The following SSH2 variants were observed in gnomAD, a reference collection of about 807,000 sequenced individuals.
The protein encoded by SSH2 is protein phosphatase Slingshot homolog 2.
Under a neutral mutation model 135.2 loss-of-function variants are expected in SSH2, and 37 were observed. That is an observed-to-expected ratio of 0.27 (90% confidence interval 0.21 to 0.36). The LOEUF is 0.36. SSH2 is among the 10% of genes least tolerant of loss of function. SSH2 has a pLI of 1.00. For synonymous variants in SSH2, 628 were observed against 646.2 expected, an observed-to-expected ratio of 0.97 and a Z score of 0.43; for missense variants, 1,408 against 1,765.3, an observed-to-expected ratio of 0.80 and a Z score of 3.63.
At chr17:29,659,501 A>G (rs981620278) in intron 11 of SSH2, among the ~76,000 whole-genome samples, 45 of 152,150 alleles carry the variant, frequency 3.0e-4, no homozygotes, top group African/African-American at 8.2e-4. Flanking sequence ...CTATCTGTTC[A>G]TATCTTCTGA....
chr17:29,898,232 A>G (rs1164847776), intron 1 of SSH2, among the ~76,000 whole-genome samples: 2 of 152,200 alleles, frequency 1.3e-5, no homozygotes, highest in Non-Finnish European at 2.9e-5. Context: ...GAGAAGCAAG[A>G]GCAATCACAT....
At chr17:29,831,575 C>CT (rs761921450) in intron 2 of SSH2, among the ~76,000 whole-genome samples, 2,402 of 134,376 alleles carry the variant, frequency 0.018, 27 homozygotes, top group South Asian at 0.043. Flanking sequence ...AACTGTTTAT[C>CT]TTTTTTTTTT....
intron 4 of SSH2, among the ~76,000 whole-genome samples, chr17:29,697,978 G>C (rs981926151): frequency 6.6e-6 from 1 of 152,250 alleles, no homozygotes; most frequent in East Asian, 1.9e-4. Context: ...ATAAAATGTG[G>C]TATTATCCAC....
chr17:29,829,097 A>G (rs1233672795), intron 2 of SSH2, among the ~76,000 whole-genome samples: 2 of 152,224 alleles, frequency 1.3e-5, no homozygotes, highest in Non-Finnish European at 2.9e-5. Flanking sequence ...TGAGCCACAA[A>G]AAGTGGGTGG....
rs149927149 is a variant in SSH2 at position 29,633,639 on chromosome 17, G to T, written c.2263-708C>A. ...TTGGCTTACACAGCCACATGCCTTA[G>T]CAAACTTAGAAACCATAACTCTCTA... On this transcript the variant is annotated intron_variant, in intron 15 of 15. Coordinates refer to ENST00000540801, the MANE Select transcript of SSH2 (RefSeq NM_001282129.2). Among the ~76,000 whole-genome samples, 1,003 of 152,292 alleles carry T rather than the reference G, an allele frequency of 6.6e-3. 9 individuals carry two copies. Among genetic ancestry groups the T allele is most frequent in the Middle Eastern group, 0.02 (6 of 294 alleles).
chr17:29,665,926 A>G (rs1598751443), intron 11 of SSH2, among the ~76,000 whole-genome samples: 1 of 152,244 alleles, frequency 6.6e-6, no homozygotes, highest in East Asian at 1.9e-4. Flanking sequence ...ACAAGGTTTC[A>G]TATGTTTGAA....
chr17:29,895,754 T>C (rs2066440665), intron 1 of SSH2, among the ~76,000 whole-genome samples: 1 of 118,494 alleles, frequency 8.4e-6, no homozygotes, highest in South Asian at 2.5e-4. Flanking sequence ...AAAATGTATT[T>C]TATATACACA....
intron 1 of SSH2, among the ~76,000 whole-genome samples, chr17:29,922,503 T>A (rs1350513317): frequency 6.6e-6 from 1 of 152,258 alleles, no homozygotes; most frequent in Non-Finnish European, 1.5e-5. Context: ...ATTTCAGAGT[T>A]TGTAGATTAT....
intron 2 of SSH2, among the ~76,000 whole-genome samples, chr17:29,801,601 C>G (rs1054255316): frequency 1.3e-5 from 2 of 152,192 alleles, no homozygotes; most frequent in Admixed American, 1.3e-4. Context: ...CCAAACCTAA[C>G]GGTTGCTGTG....
chr17:29,671,438 T>C (rs1333940635), intron 9 of SSH2, among the ~76,000 whole-genome samples: 1 of 152,088 alleles, frequency 6.6e-6, no homozygotes. Context: ...GCTATGATTG[T>C]GCCACTGCAC....
intron 3 of SSH2, among the ~76,000 whole-genome samples, chr17:29,712,826 T>C (rs2039488996): frequency 6.6e-6 from 1 of 151,922 alleles, no homozygotes; most frequent in Non-Finnish European, 1.5e-5. Context: ...ACAAAACATT[T>C]ATGAGCTTGT....
At chr17:29,651,908 C>G (rs1018434926) in intron 12 of SSH2, among the ~76,000 whole-genome samples, 8 of 152,058 alleles carry the variant, frequency 5.3e-5, no homozygotes, top group African/African-American at 1.9e-4. Context: ...TCTGGGAGGC[C>G]GAGGTGGGCG....
intron 2 of SSH2, among the ~76,000 whole-genome samples, chr17:29,828,512 C>T (rs1047290312): frequency 3.3e-5 from 5 of 152,024 alleles, no homozygotes; most frequent in Admixed American, 6.6e-5. Flanking sequence ...AGTGAGAATC[C>T]CTGGAAGCAA....
intron 1 of SSH2, among the ~76,000 whole-genome samples, chr17:29,919,622 T>G (rs536304866): frequency 6.6e-6 from 1 of 152,082 alleles, no homozygotes; most frequent in South Asian, 2.1e-4. Flanking sequence ...ATTCTTAAGG[T>G]TTTACTCATG....
At chr17:29,697,186 T>C (rs1041812194) in intron 4 of SSH2, among the ~76,000 whole-genome samples, 1 of 152,188 alleles carries the variant, frequency 6.6e-6, no homozygotes, top group Non-Finnish European at 1.5e-5. Flanking sequence ...TAGCAGGAGA[T>C]AAATAATGTA....
At chr17:29,643,035 G>T in intron 14 of SSH2, 1 of 757,974 alleles carries the variant, frequency 1.3e-6, no homozygotes, top group Non-Finnish European at 1.6e-6. Flanking sequence ...TAAACACTTG[G>T]ACAGGAAATG....
At chr17:29,906,844 T>C (rs1716336499) in intron 1 of SSH2, among the ~76,000 whole-genome samples, 1 of 152,160 alleles carries the variant, frequency 6.6e-6, no homozygotes, top group African/African-American at 2.4e-5. Context: ...AGAATAGCTA[T>C]TGTTAAAAAG....
Position 29,648,907 on chromosome 17 carries a change from G to A in SSH2, c.1227-563C>T, listed in dbSNP as rs181476779. 8.5e-5 allele frequency among the ~76,000 whole-genome samples: 13 copies of A among 152,338 alleles called. 1 individual carries two copies. Among genetic ancestry groups the A allele is most frequent in the African/African-American group, 3.1e-4 (13 of 41,584 alleles). Reference sequence around the variant, plus strand: ...TGTAATCCCAGCACTTTGGGAGGCTGAGGCAGGTGGATCACGAGGTCAGGA... The same window carrying A: ...TGTAATCCCAGCACTTTGGGAGGCTAAGGCAGGTGGATCACGAGGTCAGGA... On this transcript the variant is annotated intron_variant, in intron 13 of 15. Coordinates refer to ENST00000540801, the MANE Select transcript of SSH2 (RefSeq NM_001282129.2).
At chr17:29,866,102 CA>C (rs34216701) in intron 1 of SSH2, 51,880 of 113,376 alleles carry the variant, frequency 0.46, 10,562 homozygotes, top group East Asian at 0.69. Flanking sequence ...AACTCCATCT[CA>C]AAAAAAAAAA....
Sources: allele counts gnomAD v4.1 joint callset (sites outside exome capture counted in the v4.1 genomes callset), GRCh38; gene constraint gnomAD v4.1.1; transcripts MANE v1.5; gene names NCBI Gene and HGNC (gene_info 2026-07-23, HGNC 2026-07-21).